CTDP1: variants seen among roughly 807,000 people sequenced by gnomAD.
CTDP1 encodes CTD phosphatase 1.
Under a neutral mutation model 91.8 loss-of-function variants are expected in CTDP1, and 47 were observed. That is an observed-to-expected ratio of 0.51 (90% CI 0.41 to 0.65). CTDP1 has a LOEUF of 0.65. Among genes scored for constraint, CTDP1 ranks in the 30% least tolerant of loss-of-function variants. The pLI, the probability that CTDP1 is intolerant of heterozygous loss-of-function variation, is 0.00. For synonymous variants in CTDP1, 656 were observed against 598.5 expected (o/e 1.10, Z -1.40); for missense variants, 1,272 against 1,373.7 (o/e 0.93, Z 1.17).
chr18:79,737,588 A>G (rs1464650331), intron 12 of CTDP1, among the ~76,000 whole-genome samples: 1 of 151,960 alleles, frequency 6.6e-6, no homozygotes, highest in Non-Finnish European at 1.5e-5. Context: ...AGGTTGGTCG[A>G]TGAACAGGCA....
chr18:79,727,655 T>TA (rs1183108109), intron 10 of CTDP1, among the ~76,000 whole-genome samples: 1 of 152,218 alleles, frequency 6.6e-6, no homozygotes, highest in African/African-American at 2.4e-5. Flanking sequence ...GTAAATAGCC[T>TA]AACATGGTTG....
intron 12 of CTDP1, among the ~76,000 whole-genome samples, chr18:79,737,694 C>A (rs1051848672): frequency 2.0e-5 from 3 of 152,086 alleles, no homozygotes; most frequent in Non-Finnish European, 2.9e-5. Context: ...TGGGTGGTGG[C>A]GGAGACCTGC....
At chr18:79,701,436 G>A (rs979524126) in intron 4 of CTDP1, among the ~76,000 whole-genome samples, 4 of 151,804 alleles carry the variant, frequency 2.6e-5, no homozygotes, top group Non-Finnish European at 4.4e-5. Flanking sequence ...CGTGAACCCG[G>A]GAGGCGGAGC....
At chr18:79,730,900 T>G (rs2086552707) in intron 11 of CTDP1, among the ~76,000 whole-genome samples, 1 of 152,194 alleles carries the variant, frequency 6.6e-6, no homozygotes, top group South Asian at 2.1e-4. Flanking sequence ...TTTGGATCTT[T>G]TGAGCCGTGG....
rs1405277968 is a variant in CTDP1 at position 79,710,454 on chromosome 18, C to T, written c.863+18C>T. 1 of 1,558,136 alleles carries T rather than the reference C, an allele frequency of 6.4e-7. No individual in the cohort carries two copies. On this transcript the variant is annotated intron_variant, in intron 6 of 12. Transcript: ENST00000613122. ...AACCTTAGGTATGTACCCAGCCGCG[C>T]TCCTCACAAAGACCTCGCTGTTCAT...
Position 79,717,578 on chromosome 18 carries a change from C to T in CTDP1, c.2112C>T (p.His704=), listed in dbSNP as rs749846893. ...AGGCACAGGAGTGCGGACACCTGCA[C>T]GTGGTCAACCCTGACTGGCTGTGGA... ...VLQAQECGHL[H]VVNPDWLWSC... Residue 704 remains histidine (H), a synonymous_variant, in exon 9 of 13, where the codon CAC becomes CAT. Coordinates refer to ENST00000613122, the MANE Select transcript of CTDP1 (RefSeq NM_004715.5). 9 of 1,613,884 alleles carry T rather than the reference C, an allele frequency of 5.6e-6. No individual in the cohort carries two copies. Among genetic ancestry groups the T allele is most frequent in the Admixed American group, 1.7e-5 (1 of 60,014 alleles).
At chr18:79,687,927 G>T (rs922307620) in intron 1 of CTDP1, among the ~76,000 whole-genome samples, 1 of 152,204 alleles carries the variant, frequency 6.6e-6, no homozygotes, top group South Asian at 2.1e-4. Flanking sequence ...CTGGGAACTG[G>T]TTTTGTTGGA....
At position 79,704,528 on chromosome 18, in the gene CTDP1, G is replaced by A. The variant is rs147213388; in HGVS notation, c.622-239G>A. 3.5e-4 allele frequency among the ~76,000 whole-genome samples: 53 copies of A among 152,366 alleles called. No homozygotes were observed. In the East Asian group the frequency reaches 9.8e-3, roughly 28 times the overall value. Reference sequence around the variant, plus strand: ...TCCTCTGTCCCGTGTGGAGGGGCGTGTACATGCAAACGTGTATCCTCTGTC... The same window carrying A: ...TCCTCTGTCCCGTGTGGAGGGGCGTATACATGCAAACGTGTATCCTCTGTC... On this transcript the variant is annotated intron_variant, in intron 4 of 12. Transcript: ENST00000613122.
At chr18:79,700,863 C>CT (rs2085843489) in intron 4 of CTDP1, among the ~76,000 whole-genome samples, 1 of 152,202 alleles carries the variant, frequency 6.6e-6, no homozygotes, top group African/African-American at 2.4e-5. Context: ...CAGCTGGTGA[C>CT]TTTAAGTTGA....
intron 10 of CTDP1, among the ~76,000 whole-genome samples, chr18:79,722,999 G>T (rs670682): frequency 6.6e-6 from 1 of 151,958 alleles, no homozygotes; most frequent in Non-Finnish European, 1.5e-5. Flanking sequence ...TTCATGTGGC[G>T]CCTGCCCAGT....
At chr18:79,732,893 G>T (rs1040241529) in intron 11 of CTDP1, among the ~76,000 whole-genome samples, 1 of 152,080 alleles carries the variant, frequency 6.6e-6, no homozygotes, top group Non-Finnish European at 1.5e-5. Context: ...GCTAACATCA[G>T]GAGTGCTCCC....
intron 1 of CTDP1, among the ~76,000 whole-genome samples, chr18:79,686,873 C>T (rs1223608509): frequency 6.6e-5 from 10 of 150,804 alleles, no homozygotes; most frequent in African/African-American, 2.4e-4. Flanking sequence ...GGTGGGCCTG[C>T]ACCGCAGCAG....
chr18:79,682,302 C>T (rs1300423236), intron 1 of CTDP1, among the ~76,000 whole-genome samples: 1 of 152,214 alleles, frequency 6.6e-6, no homozygotes, highest in Non-Finnish European at 1.5e-5. Context: ...GATTCAGTCA[C>T]TTGTTGACAG....
At chr18:79,704,484 G>A (rs369124953) in intron 4 of CTDP1, among the ~76,000 whole-genome samples, 1 of 152,032 alleles carries the variant, frequency 6.6e-6, no homozygotes, top group Admixed American at 6.5e-5. Context: ...GTGGAGGGGC[G>A]TGTACATGCT....
intron 10 of CTDP1, among the ~76,000 whole-genome samples, chr18:79,722,378 G>A (rs1439442366): frequency 6.6e-6 from 1 of 152,200 alleles, no homozygotes; most frequent in Non-Finnish European, 1.5e-5. Context: ...GAAGATGCAC[G>A]CTGGGCTGTA....
chr18:79,689,027 C>G (rs2085566471), intron 1 of CTDP1, among the ~76,000 whole-genome samples: 1 of 152,302 alleles, frequency 6.6e-6, no homozygotes, highest in East Asian at 1.9e-4. Flanking sequence ...TCACTTCACC[C>G]CTAAATACTT....
chr18:79,688,011 A>G lies in CTDP1; in HGVS notation c.315-7214A>G, dbSNP rs573048004. ...CTCTGTGGATGTGTGCAGTGTTGGG[A>G]ATCAGGCTGGGCTGCCCTTGTTCCT... On this transcript the variant is annotated intron_variant, in intron 1 of 12. Transcript: ENST00000613122. Among the ~76,000 whole-genome samples, 438 of 152,304 alleles carry G rather than the reference A, an allele frequency of 2.9e-3. 1 individual carries two copies. Among genetic ancestry groups the G allele is most frequent in the African/African-American group, 0.01 (428 of 41,566 alleles).
Position 79,680,240 on chromosome 18 carries a change from C to T in CTDP1, c.293C>T (p.Pro98Leu), listed in dbSNP as rs1226016303. The change falls in exon 1 of 13, where the codon CCG becomes CTG. Residue 98 changes from proline to leucine, a missense_variant. Physicochemically the swap from Pro to Leu is moderately conservative, Grantham distance 98. Around this residue, in one of 3 missense-constraint regions of CTDP1, gnomAD observed 214 missense variants for 179.1 expected, o/e 1.19. Coordinates refer to ENST00000613122, the MANE Select transcript of CTDP1 (RefSeq NM_004715.5). The part of the protein sequence containing the change: ...AGVVRELCAQ[P>L]GQVVAPGAVL... ...GTGGTGCGGGAGCTGTGCGCGCAGC[C>T]GGGCCAGGTGGTCGCCCCAGGGTGA... 1.5e-6 allele frequency: 2 copies of T among 1,309,770 alleles called. No homozygotes were observed. The highest frequency in any genetic ancestry group is 2.2e-5 in the South Asian group (1 of 44,724). The allele number at this position is 1,309,770 out of a possible 1,614,324, so 81.1% of individuals were successfully genotyped here.
intron 12 of CTDP1, among the ~76,000 whole-genome samples, chr18:79,741,681 G>A (rs184522506): frequency 3.9e-5 from 6 of 152,332 alleles, no homozygotes; most frequent in African/African-American, 1.2e-4. Flanking sequence ...CTCCACAGGG[G>A]TGTGTGGTCA....
Sources: gnomAD v4.1 joint callset for allele counts (sites outside exome capture counted in the v4.1 genomes callset) on GRCh38, gnomAD v4.1.1 for gene constraint, gnomAD v4.1.1 regional missense constraint, MANE v1.5 for transcripts, NCBI Gene and HGNC (gene_info 2026-07-23, HGNC 2026-07-21) for gene names.